The following CBLB variants were observed in gnomAD, a reference collection of about 807,000 sequenced individuals.
CBLB encodes the protein E3 ubiquitin-protein ligase CBL-B.
In CBLB, 31 loss-of-function variants were observed where a neutral mutation model predicts 104.9. The observed-to-expected ratio is 0.30, with a 90% CI of 0.22 to 0.40. The LOEUF (loss-of-function observed/expected upper bound fraction) is 0.40, where lower values mean the gene tolerates loss of function less well. Ranked by LOEUF, CBLB falls within the 10% of genes least tolerant of loss-of-function variation. CBLB has a pLI of 1.00. For missense variants in CBLB, 1,062 were observed against 1,214.6 expected, an observed-to-expected ratio of 0.87 and a Z score of 1.87; for synonymous variants, 440 against 422.6, an observed-to-expected ratio of 1.04 and a Z score of -0.51.
chr3:105,850,459 C>T (rs1488918457), intron 3 of CBLB, among the ~76,000 whole-genome samples: 2 of 152,200 alleles, frequency 1.3e-5, no homozygotes, highest in Middle Eastern at 3.4e-3. Context: ...AAGAGTCTCA[C>T]ACTAAAATTT....
At chr3:105,735,836 C>T (rs1357142877) in intron 8 of CBLB, among the ~76,000 whole-genome samples, 3 of 152,078 alleles carry the variant, frequency 2.0e-5, no homozygotes, top group South Asian at 4.1e-4. Context: ...ATGCCAGCTA[C>T]TCGGGAGGCT....
intron 13 of CBLB, among the ~76,000 whole-genome samples, chr3:105,691,809 C>T (rs2067733583): frequency 6.6e-6 from 1 of 152,162 alleles, no homozygotes; most frequent in South Asian, 2.1e-4. Context: ...TTCCCACCGT[C>T]CCCTGAATGA....
intron 10 of CBLB, among the ~76,000 whole-genome samples, chr3:105,716,875 CAGAA>C (rs1226435887): frequency 7.9e-5 from 12 of 152,148 alleles, no homozygotes; most frequent in African/African-American, 2.9e-4. Context: ...GGGTAAAAAA[CAGAA>C]AGGATCAATT....
intron 17 of CBLB, among the ~76,000 whole-genome samples, chr3:105,674,534 CTGT>C (rs2065396710): frequency 6.6e-6 from 1 of 152,200 alleles, no homozygotes; most frequent in Admixed American, 6.5e-5. Context: ...GACAAAAACA[CTGT>C]ATTTTGTGCA....
chr3:105,738,000 C>T (rs1442685125), intron 7 of CBLB, among the ~76,000 whole-genome samples: 1 of 151,954 alleles, frequency 6.6e-6, no homozygotes, highest in African/African-American at 2.4e-5. Flanking sequence ...AGAAGTTGTA[C>T]TTGTTATTGA....
chr3:105,809,961 T>G (rs1023388513), intron 3 of CBLB, among the ~76,000 whole-genome samples: 3 of 152,130 alleles, frequency 2.0e-5, no homozygotes, highest in Admixed American at 6.5e-5. Context: ...TAAGCTAGCA[T>G]AGCAAACTAG....
At position 105,806,479 on chromosome 3, in the gene CBLB, C is replaced by CAAAAAAAAA. The variant is rs367966052; in HGVS notation, c.420-29946_420-29938dup. On this transcript the variant is annotated intron_variant, in intron 3 of 18. Coordinates refer to ENST00000394030, the MANE Select transcript of CBLB (RefSeq NM_170662.5). ...GGTTTGTGACCTAATACTAAAACCTCAAAAAAAAAAAAAAAACAGAAATTG... is the reference window on the plus strand; with the variant it reads ...GGTTTGTGACCTAATACTAAAACCTCAAAAAAAAAAAAAAAAAAAAAAAAACAGAAATTG... 4.0e-5 allele frequency among the ~76,000 whole-genome samples: 5 copies of CAAAAAAAAA among 125,046 alleles called. 1 individual carries two copies. Among genetic ancestry groups the CAAAAAAAAA allele is most frequent in the Non-Finnish European group, 8.1e-5 (5 of 61,734 alleles). 82.0% of individuals were successfully genotyped at this position (125,046 alleles called of 152,430 possible).
chr3:105,859,720 T>C (rs192943000), intron 2 of CBLB, among the ~76,000 whole-genome samples: 9 of 150,858 alleles, frequency 6.0e-5, no homozygotes, highest in Admixed American at 5.3e-4. Flanking sequence ...TTAGAAGAGG[T>C]TTCTTATTAC....
chr3:105,723,412 G>A (rs1007331353), intron 9 of CBLB, among the ~76,000 whole-genome samples: 10 of 152,008 alleles, frequency 6.6e-5, no homozygotes, highest in Admixed American at 3.3e-4. Context: ...TCACTTCCTC[G>A]AATAAGAAAT....
In CBLB at chr3:105,782,606, TAC is replaced by T. The variant is rs1196259406; in HGVS notation, c.420-6066_420-6065del. On this transcript the variant is annotated intron_variant, in intron 3 of 18. Transcript: ENST00000394030. Reference sequence around the variant, plus strand: ...TTTTTTTTTTTTTTTTTTTTTTTGATACAGAGTCTCACTCTATTGCCCAGGCT... The same window carrying T: ...TTTTTTTTTTTTTTTTTTTTTTTGATAGAGTCTCACTCTATTGCCCAGGCT... Among the ~76,000 whole-genome samples, 4 of 145,368 alleles carry T rather than the reference TAC, an allele frequency of 2.8e-5. No homozygotes were observed. In the East Asian group the frequency reaches 8.0e-4, roughly 29 times the overall value.
intron 3 of CBLB, among the ~76,000 whole-genome samples, chr3:105,815,970 G>C (rs1327343682): frequency 6.6e-6 from 1 of 152,028 alleles, no homozygotes; most frequent in African/African-American, 2.4e-5. Context: ...ACCAAATACC[G>C]CATGTTCTCG....
chr3:105,841,872 TA>T (rs1376099277), intron 3 of CBLB, among the ~76,000 whole-genome samples: 4 of 152,106 alleles, frequency 2.6e-5, no homozygotes, highest in African/African-American at 9.7e-5. Context: ...GAACAGAACA[TA>T]AATATTTTGG....
At chr3:105,840,872 GA>G (rs58785159) in intron 3 of CBLB, among the ~76,000 whole-genome samples, 132,414 of 146,158 alleles carry the variant, frequency 0.91, 60,015 homozygotes, top group Non-Finnish European at 0.96. Context: ...TATTACTCAA[GA>G]AAAAAAAAAA....
chr3:105,725,140 T>C (rs781132790), intron 9 of CBLB, among the ~76,000 whole-genome samples: 3 of 152,196 alleles, frequency 2.0e-5, no homozygotes, highest in Admixed American at 6.5e-5. Context: ...ACTACTACAA[T>C]CAATGAATAT....
intron 1 of CBLB, 141 bp downstream of exon 1, chr3:105,868,595 C>T (rs1262780769): frequency 2.2e-6 from 1 of 454,580 alleles, no homozygotes; most frequent in Admixed American, 5.7e-5. Context: ...TTAAATGCCC[C>T]ACTTCAAACT....
chr3:105,814,786 GT>G (rs1300263581), intron 3 of CBLB, among the ~76,000 whole-genome samples: 1 of 151,924 alleles, frequency 6.6e-6, no homozygotes, highest in Non-Finnish European at 1.5e-5. Context: ...CACACCTCTG[GT>G]CATGAAAATT....
intron 3 of CBLB, among the ~76,000 whole-genome samples, chr3:105,801,188 C>T (rs983815792): frequency 3.3e-5 from 5 of 151,972 alleles, no homozygotes; most frequent in Non-Finnish European, 7.4e-5. Context: ...TAACCTTTAA[C>T]GCACTCAGGA....
chr3:105,807,181 G>T (rs1171303701), intron 3 of CBLB, among the ~76,000 whole-genome samples: 1 of 152,146 alleles, frequency 6.6e-6, no homozygotes, highest in South Asian at 2.1e-4. Context: ...ACATTCAAAT[G>T]TCACCTAAAT....
rs150232360 is a variant in CBLB, at chr3:105,679,654, T to C, written c.2429-1083A>G. Among the ~76,000 whole-genome samples the C allele has an allele frequency of 1.3e-3, 200 of 151,980 alleles. 5 individuals are homozygous for C. In the East Asian group the frequency reaches 0.031, roughly 24 times the overall value. The stretch of plus-strand genomic sequence containing the variant: ...AGCCGGGCATGGTGGTACGTGACTG[T>C]AATCCTGGCTACTCGGGAGGCTGAG... On this transcript the variant is annotated intron_variant, in intron 16 of 18. Coordinates refer to ENST00000394030, the MANE Select transcript of CBLB (RefSeq NM_170662.5).
Sources: gnomAD v4.1 joint callset for allele counts (sites outside exome capture counted in the v4.1 genomes callset) on GRCh38, gnomAD v4.1.1 for gene constraint, MANE v1.5 for transcripts, NCBI Gene and HGNC (gene_info 2026-07-23, HGNC 2026-07-21) for gene names.